PGBD5: variants seen among roughly 807,000 people sequenced by gnomAD.
PGBD5 encodes the protein piggyBac transposable element derived 5, also known as piggyBac transposable element-derived protein 5.
A neutral mutation model predicts 47.9 loss-of-function variants in PGBD5; 14 were observed. That is an observed-to-expected ratio of 0.29 (90% confidence interval 0.19 to 0.46). The LOEUF (loss-of-function observed/expected upper bound fraction) is 0.46. Among genes scored for constraint, PGBD5 ranks in the 20% least tolerant of loss-of-function variants. The pLI is 1.00. For synonymous variants in PGBD5, 316 were observed against 306.3 expected, an observed-to-expected ratio of 1.03 and a Z score of -0.33; for missense variants, 635 against 716.0, an observed-to-expected ratio of 0.89 and a Z score of 1.29.
chr1:230,368,936 T>C (rs1667885812), intron 1 of PGBD5, among the ~76,000 whole-genome samples: 1 of 152,238 alleles, frequency 6.6e-6, no homozygotes, highest in African/African-American at 2.4e-5. Flanking sequence ...ATACACAGAA[T>C]TGGTTGGACA....
chr1:230,392,941 C>A (rs952845213), intron 1 of PGBD5, among the ~76,000 whole-genome samples: 1 of 150,102 alleles, frequency 6.7e-6, no homozygotes, highest in Non-Finnish European at 1.5e-5. Flanking sequence ...AGAAGAGGAA[C>A]TGGAGGGAGA....
chr1:230,383,534 A>T (rs1490028156), intron 1 of PGBD5, among the ~76,000 whole-genome samples: 4 of 151,964 alleles, frequency 2.6e-5, no homozygotes, highest in South Asian at 2.1e-4. Context: ...GGCTTATTTT[A>T]AAATTTTTTG....
intron 3 of PGBD5, among the ~76,000 whole-genome samples, chr1:230,348,349 G>A (rs1667507002): frequency 6.6e-6 from 1 of 152,198 alleles, no homozygotes; most frequent in Non-Finnish European, 1.5e-5. Context: ...GCAAGAGCAG[G>A]GGCTGCCTAT....
chr1:230,425,634 G>A lies in PGBD5; in HGVS notation c.295C>T (p.Arg99Trp). 4.9e-6 allele frequency: 6 copies of A among 1,220,338 alleles called. No individual in the cohort carries two copies. The highest frequency in any genetic ancestry group is 5.1e-6 in the Non-Finnish European group (5 of 980,722). 75.6% of individuals were successfully genotyped at this position (1,220,338 alleles called of 1,614,324 possible). Reference protein sequence around the residue: ...EAGAGWSAALRDRPPPRFEDT... With the variant: ...EAGAGWSAALWDRPPPRFEDT... ...TCGAAGCGCGGGGGCGGGCGGTCCC[G>A]CAGCGCTGCGCTCCAGCCCGCGCCG... The change falls in exon 1 of 7, where the codon CGG (arginine) becomes TGG (tryptophan). Residue 99 changes from arginine to tryptophan, a missense_variant. Coordinates refer to ENST00000391860, the MANE Select transcript of PGBD5 (RefSeq NM_001258311.2). This position sits in a 1 kb window ranked among gnomAD's most constrained non-coding sequence, Gnocchi z 4.7.
At chr1:230,359,854 A>G (rs61824784) in intron 1 of PGBD5, among the ~76,000 whole-genome samples, 12,676 of 152,264 alleles carry the variant, frequency 0.083, 663 homozygotes, top group African/African-American at 0.16. Flanking sequence ...CCTGGAGGGT[A>G]AAGTGGCACC....
rs1474768423 is a variant in PGBD5, at chr1:230,314,676, G to C, written c.*8749C>G. On this transcript the variant is annotated 3_prime_UTR_variant, in exon 7 of 7. Coordinates refer to ENST00000391860, the MANE Select transcript of PGBD5 (RefSeq NM_001258311.2). ...AAAATTTGTAAAAATTTATTGCCTT[G>C]GCGTAAAGTGACAATCATGCCTTGG... is the stretch of plus-strand genomic sequence containing the variant. 1 of 142,716 alleles carries C rather than the reference G, an allele frequency of 7.0e-6. No individual in the cohort carries two copies. The highest frequency in any genetic ancestry group is 2.1e-4 in the East Asian group (1 of 4,832). 8.8% of individuals were successfully genotyped at this position (142,716 alleles called of 1,614,324 possible).
Position 230,314,757 on chromosome 1 carries a change from A to G in PGBD5, c.*8668T>C, listed in dbSNP as rs2102803864. ...GCTTTGTGTCACCAAATGGGGGTGCAGCTGTGTGATATCTGTGCAGTTTGT... is the reference window on the plus strand; with the variant it reads ...GCTTTGTGTCACCAAATGGGGGTGCGGCTGTGTGATATCTGTGCAGTTTGT... On this transcript the variant is annotated 3_prime_UTR_variant, in exon 7 of 7. Coordinates refer to ENST00000391860, the MANE Select transcript of PGBD5 (RefSeq NM_001258311.2). 1 of 152,258 alleles carries G rather than the reference A, an allele frequency of 6.6e-6. No individual in the cohort carries two copies. The highest frequency in any genetic ancestry group is 2.1e-4 in the South Asian group (1 of 4,818). The allele number at this position is 152,258 out of a possible 1,614,324, so 9.4% of individuals were successfully genotyped here.
rs1186792163 is a variant in PGBD5 at position 230,316,138 on chromosome 1, GTA to G, written c.*7285_*7286del. The stretch of plus-strand genomic sequence containing the variant: ...TATATCTATGTGTATACATACATAT[GTA>G]TATGTGTACACATATATGTATGTGT... On this transcript the variant is annotated 3_prime_UTR_variant, in exon 7 of 7. Coordinates refer to ENST00000391860, the MANE Select transcript of PGBD5 (RefSeq NM_001258311.2). 6.2e-5 allele frequency: 9 copies of G among 144,826 alleles called. 1 individual carries two copies. Among genetic ancestry groups the G allele is most frequent in the South Asian group, 4.2e-4 (2 of 4,748 alleles). 9.0% of individuals were successfully genotyped at this position (144,826 alleles called of 1,614,324 possible). A position where few individuals can be genotyped will look rare whatever the true frequency, so the allele number is the denominator to read the frequency against.
chr1:230,384,347 G>A lies in PGBD5; in HGVS notation c.332-27026C>T, dbSNP rs1656586098. Among the ~76,000 whole-genome samples the A allele has an allele frequency of 2.0e-5, 3 of 152,150 alleles. No individual in the cohort carries two copies. The South Asian group carries it at 6.2e-4, about 32-fold the overall frequency. On this transcript the variant is annotated intron_variant, in intron 1 of 6. Transcript: ENST00000391860. ...TAGGGAAGGGAGAGGAGATCTGAGG[G>A]ATGTATGTGTGGAAACTTGGCCAGC...
In PGBD5 at chr1:230,314,995, T is replaced by G. The variant is rs1666914258; in HGVS notation, c.*8430A>C. On this transcript the variant is annotated 3_prime_UTR_variant, in exon 7 of 7. Transcript: ENST00000391860. The stretch of plus-strand genomic sequence containing the variant: ...CATTTGAGGAAGGGGAAGAAGAGCT[T>G]GGAGGGTGACAGCCTCCCCCTGAGA... The G allele has an allele frequency of 6.6e-6, 1 of 152,110 alleles. No homozygotes were observed. The highest frequency in any genetic ancestry group is 2.1e-4 in the South Asian group (1 of 4,828). The allele number at this position is 152,110 out of a possible 1,614,324, so 9.4% of individuals were successfully genotyped here. A position where few individuals can be genotyped will look rare whatever the true frequency, so the allele number is the denominator to read the frequency against.
chr1:230,396,294 CCCCCACACTCCTCCCTTTTA>C (rs1558210856), intron 1 of PGBD5, among the ~76,000 whole-genome samples: 24 of 106,636 alleles, frequency 2.3e-4, no homozygotes, highest in East Asian at 1.9e-3. Flanking sequence ...TTCCCTTTTA[CCCCCACACTCCTCCCTTTTA>C]CCCCACACTC....
chr1:230,366,797 A>G (rs1041658502), intron 1 of PGBD5, among the ~76,000 whole-genome samples: 9 of 152,154 alleles, frequency 5.9e-5, no homozygotes, highest in Non-Finnish European at 1.0e-4. Context: ...CCACGACAGC[A>G]TTGCTAATCC....
intron 1 of PGBD5, chr1:230,362,380 G>T: frequency 7.3e-7 from 1 of 1,364,076 alleles, no homozygotes; most frequent in Middle Eastern, 2.1e-4. Context: ...CCTCTGGCCT[G>T]GATGACAGAC....
chr1:230,391,852 G>T (rs1656792379), intron 1 of PGBD5, among the ~76,000 whole-genome samples: 3 of 152,184 alleles, frequency 2.0e-5, no homozygotes, highest in South Asian at 4.2e-4. Flanking sequence ...AATAAAAAAC[G>T]AGCCCCATGC....
intron 3 of PGBD5, among the ~76,000 whole-genome samples, chr1:230,337,804 C>T (rs1667350130): frequency 1.3e-5 from 2 of 152,104 alleles, no homozygotes; most frequent in Admixed American, 1.3e-4. Context: ...GAGGGCTAAA[C>T]ATTTGCCCAA....
chr1:230,398,517 A>C (rs1271143372), intron 1 of PGBD5, among the ~76,000 whole-genome samples: 1 of 152,216 alleles, frequency 6.6e-6, no homozygotes, highest in Non-Finnish European at 1.5e-5. Flanking sequence ...TTGAAGTACT[A>C]GGGGTTAGGA....
At chr1:230,350,493 A>G (rs917748720) in intron 3 of PGBD5, among the ~76,000 whole-genome samples, 4 of 152,200 alleles carry the variant, frequency 2.6e-5, no homozygotes, top group Admixed American at 2.6e-4. Flanking sequence ...TCTGTGAAGA[A>G]GGCATCCTGG....
At chr1:230,391,108 G>A (rs899056911) in intron 1 of PGBD5, among the ~76,000 whole-genome samples, 1 of 141,908 alleles carries the variant, frequency 7.0e-6, no homozygotes, top group African/African-American at 2.5e-5. Context: ...AGTCCATCAG[G>A]AAAGCACCAG....
chr1:230,339,822 GGT>G (rs1040988441), intron 3 of PGBD5, among the ~76,000 whole-genome samples: 21 of 152,302 alleles, frequency 1.4e-4, no homozygotes, highest in African/African-American at 5.1e-4. Flanking sequence ...AGAGTGGAAT[GGT>G]GGTTACGGGG....
Sources: allele counts gnomAD v4.1 joint callset (sites outside exome capture counted in the v4.1 genomes callset), GRCh38; gene constraint gnomAD v4.1.1; non-coding constraint Gnocchi (gnomAD v3.1); transcripts MANE v1.5; gene names NCBI Gene and HGNC (gene_info 2026-07-23, HGNC 2026-07-21).